BRAF: variants seen among roughly 807,000 people sequenced by gnomAD.
BRAF encodes the protein B-Raf proto-oncogene, serine/threonine kinase.
BRAF carries 16 observed loss-of-function variants against 104.6 expected under a neutral mutation model. The ratio of observed to expected loss-of-function variants is 0.15; its 90% CI spans 0.10 to 0.23. The LOEUF (loss-of-function observed/expected upper bound fraction) is 0.23. BRAF is among the 10% of genes least tolerant of loss of function. The pLI is 1.00. For synonymous variants in BRAF, 310 were observed against 341.6 expected (o/e 0.91, Z 1.02); for missense variants, 541 against 937.3 (o/e 0.58, Z 5.52).
At chr7:140,734,807 G>GAAAAAAAA in intron 18 of BRAF, 37 bp from the exon 18 acceptor site, 1 of 870,214 alleles carries the variant, frequency 1.1e-6, no homozygotes, top group South Asian at 2.7e-5. Flanking sequence ...GAAAAAAAAA[G>GAAAAAAAA]AAAAAAGAAA....
At chr7:140,760,425 A>C (rs1202270639) in intron 14 of BRAF, among the ~76,000 whole-genome samples, 1 of 151,588 alleles carries the variant, frequency 6.6e-6, no homozygotes, top group East Asian at 1.9e-4. Context: ...GAGAGAGAAA[A>C]AAAAAAAAAA....
chr7:140,740,083 A>G (rs1796784036), intron 17 of BRAF, 137 bp from the exon 17 acceptor site: 1 of 905,414 alleles, frequency 1.1e-6, no homozygotes, highest in Non-Finnish European at 1.7e-6. Context: ...AAAAGTTTTA[A>G]AAAACCAATG....
In BRAF at chr7:140,834,810, T is replaced by G. The variant is rs1671359827; in HGVS notation, c.303A>C (p.Glu101Asp). Residue 101 changes from glutamate (E) to aspartate (D), a missense_variant, in exon 3 of 20, where the codon GAA (glutamate) becomes GAC (aspartate). By Grantham distance (45) the Glu-to-Asp change is conservative. Coordinates refer to ENST00000644969, the MANE Select transcript of BRAF (RefSeq NM_001374258.1). ...ALQQREQQLL[E>D]SLGNGTDFSV... ...AAAAATCAGTTCCGTTCCCCAGAGA[T>G]TCCAATAACTGTTGTTCTCTTTGTT... The G allele has an allele frequency of 6.2e-7, 1 of 1,614,002 alleles. No individual in the cohort carries two copies. The highest frequency in any genetic ancestry group is 8.5e-7 in the Non-Finnish European group (1 of 1,179,958).
chr7:140,816,238 T>C (rs1014455701), intron 3 of BRAF, among the ~76,000 whole-genome samples: 2 of 152,206 alleles, frequency 1.3e-5, no homozygotes, highest in Non-Finnish European at 2.9e-5. Flanking sequence ...ACTGTACCAA[T>C]ATGTAAAAGG....
At chr7:140,896,735 G>C (rs1814951527) in intron 1 of BRAF, among the ~76,000 whole-genome samples, 2 of 151,976 alleles carry the variant, frequency 1.3e-5, no homozygotes, top group African/African-American at 4.8e-5. Flanking sequence ...GCATGGTGGT[G>C]TGCACCTATA....
intron 1 of BRAF, among the ~76,000 whole-genome samples, chr7:140,876,455 A>T (rs1812274450): frequency 6.6e-6 from 1 of 152,206 alleles, no homozygotes; most frequent in Non-Finnish European, 1.5e-5. Flanking sequence ...AAACTGGTAA[A>T]CCTAAATCTA....
chr7:140,737,412 A>C (rs1377291604), intron 18 of BRAF, among the ~76,000 whole-genome samples: 1 of 152,176 alleles, frequency 6.6e-6, no homozygotes, highest in Non-Finnish European at 1.5e-5. Context: ...CATTTTACTG[A>C]CTGCCATGGA....
intron 17 of BRAF, chr7:140,747,596 C>T: frequency 3.4e-6 from 1 of 298,438 alleles, no homozygotes; most frequent in South Asian, 3.4e-5. Flanking sequence ...ATCTTAGGTT[C>T]ATAAATTTTT....
At chr7:140,867,894 C>T (rs998970777) in intron 1 of BRAF, among the ~76,000 whole-genome samples, 1 of 152,176 alleles carries the variant, frequency 6.6e-6, no homozygotes, top group Non-Finnish European at 1.5e-5. Flanking sequence ...TCTCCTTGCT[C>T]TTGTGATACC....
In BRAF at chr7:140,730,269, A is replaced by G. The variant is rs534663344; in HGVS notation, c.2402-3753T>C. On this transcript the variant is annotated intron_variant, in intron 19 of 19. Transcript: ENST00000644969. ...AATACCTAGATACTCTATGTCTTAA[A>G]AAAAATCTTGGTATATTAATTAATA... 3.5e-4 allele frequency among the ~76,000 whole-genome samples: 54 copies of G among 152,188 alleles called. 1 individual carries two copies. The highest frequency in any genetic ancestry group is 1.2e-3 in the African/African-American group (50 of 41,526).
chr7:140,736,001 A>G (rs1382468028), intron 18 of BRAF, among the ~76,000 whole-genome samples: 2 of 152,172 alleles, frequency 1.3e-5, no homozygotes, highest in Non-Finnish European at 2.9e-5. Flanking sequence ...AGAAATGTAT[A>G]AAGAGTATAA....
chr7:140,915,035 C>T (rs1443418143), intron 1 of BRAF, among the ~76,000 whole-genome samples: 18 of 74,744 alleles, frequency 2.4e-4, no homozygotes, highest in Non-Finnish European at 4.0e-4. Flanking sequence ...GATGATAGAG[C>T]GAGACTCCGT....
At chr7:140,807,593 C>T (rs1335836988) in intron 5 of BRAF, among the ~76,000 whole-genome samples, 1 of 152,020 alleles carries the variant, frequency 6.6e-6, no homozygotes, top group African/African-American at 2.4e-5. Context: ...TTTAGGCTTA[C>T]AGGTACAAGC....
At chr7:140,746,050 CTCTAG>C (rs1797320132) in intron 17 of BRAF, among the ~76,000 whole-genome samples, 1 of 152,170 alleles carries the variant, frequency 6.6e-6, no homozygotes, top group African/African-American at 2.4e-5. Flanking sequence ...CGTAAATCTA[CTCTAG>C]TCAATACGGT....
chr7:140,924,528 C>A lies in BRAF; in HGVS notation c.138+38G>T. On this transcript the variant is annotated intron_variant, in intron 1 of 19. Transcript: ENST00000644969. The surrounding 1 kb of genome is among the most constrained non-coding windows in gnomAD (Gnocchi z 4.2). ...ATAAACACCAGCCAGCCGCCGAGCC[C>A]GGAGTCGGGAGGGCGGCAGGGTGGC... 1.3e-6 allele frequency: 2 copies of A among 1,532,628 alleles called. No homozygotes were observed. The highest frequency in any genetic ancestry group is 8.7e-7 in the Non-Finnish European group (1 of 1,145,424). The allele number at this position is 1,532,628 out of a possible 1,614,324, so 94.9% of individuals were successfully genotyped here. A position where few individuals can be genotyped will look rare whatever the true frequency, so the allele number is the denominator to read the frequency against.
chr7:140,908,711 G>C (rs1816609493), intron 1 of BRAF, among the ~76,000 whole-genome samples: 1 of 152,168 alleles, frequency 6.6e-6, no homozygotes, highest in Non-Finnish European at 1.5e-5. Flanking sequence ...AGACAGTTCA[G>C]TTGTTTCACC....
chr7:140,895,435 G>A (rs565562306), intron 1 of BRAF, among the ~76,000 whole-genome samples: 2 of 152,190 alleles, frequency 1.3e-5, no homozygotes, highest in African/African-American at 2.4e-5. Flanking sequence ...TTTGTGTTGG[G>A]AATATTCAAT....
intron 3 of BRAF, among the ~76,000 whole-genome samples, chr7:140,827,247 T>C (rs903933026): frequency 4.6e-5 from 7 of 152,222 alleles, no homozygotes; most frequent in Non-Finnish European, 7.3e-5. Flanking sequence ...TTTCCTTGCA[T>C]GTCTTACAAC....
At chr7:140,909,485 A>G (rs1816727701) in intron 1 of BRAF, among the ~76,000 whole-genome samples, 1 of 152,204 alleles carries the variant, frequency 6.6e-6, no homozygotes, top group Non-Finnish European at 1.5e-5. Context: ...TATAATATTT[A>G]GGCTATTACT....
Sources: allele counts gnomAD v4.1 joint callset (sites outside exome capture counted in the v4.1 genomes callset), GRCh38; gene constraint gnomAD v4.1.1; non-coding constraint Gnocchi (gnomAD v3.1); transcripts MANE v1.5; gene names NCBI Gene and HGNC (gene_info 2026-07-23, HGNC 2026-07-21).